Variants in WDR12 observed in about 807,000 individuals in gnomAD.
The protein encoded by WDR12 is WD repeat domain 12, also known as ribosome biogenesis protein WDR12.
A neutral mutation model predicts 64.3 loss-of-function variants in WDR12; 42 were observed. The ratio of observed to expected loss-of-function variants is 0.65; its 90% CI spans 0.51 to 0.84. The LOEUF is 0.84. Ranked by LOEUF, WDR12 falls within the 40% of genes least tolerant of loss-of-function variation. The pLI, the probability that WDR12 is intolerant of heterozygous loss-of-function variation, is 0.00. For missense variants in WDR12, 469 were observed against 494.6 expected, an observed-to-expected ratio of 0.95 and a Z score of 0.49; for synonymous variants, 158 against 173.3, an observed-to-expected ratio of 0.91 and a Z score of 0.70.
At chr2:202,903,572 T>G (rs1688394968) in intron 2 of WDR12, among the ~76,000 whole-genome samples, 1 of 152,138 alleles carries the variant, frequency 6.6e-6, no homozygotes, top group Non-Finnish European at 1.5e-5. Flanking sequence ...TTATCCTTGT[T>G]TGCAGATGAT....
intron 2 of WDR12, among the ~76,000 whole-genome samples, chr2:202,903,764 G>A (rs1574410627): frequency 1.3e-5 from 2 of 152,074 alleles, no homozygotes; most frequent in Admixed American, 6.6e-5. Context: ...TCTACTTACA[G>A]TAGCCACAAA....
intron 2 of WDR12, among the ~76,000 whole-genome samples, chr2:202,904,826 C>A (rs972832106): frequency 5.3e-5 from 8 of 152,074 alleles, no homozygotes; most frequent in African/African-American, 1.9e-4. Flanking sequence ...TAGACAAATG[C>A]GATCCCATCA....
At chr2:202,905,144 C>T (rs780523573) in intron 2 of WDR12, among the ~76,000 whole-genome samples, 15 of 152,132 alleles carry the variant, frequency 9.9e-5, no homozygotes, top group Non-Finnish European at 5.9e-5. Flanking sequence ...GATAAAATGG[C>T]GTTTTTCCCC....
intron 8 of WDR12, among the ~76,000 whole-genome samples, chr2:202,886,767 CAAAAAAAAAA>C (rs60735682): frequency 2.5e-5 from 2 of 79,060 alleles, no homozygotes; most frequent in Non-Finnish European, 2.3e-5. Flanking sequence ...AACTCCATCT[CAAAAAAAAAA>C]AAAAAAAAAA....
chr2:202,886,349 C>T (rs4675306), intron 8 of WDR12, among the ~76,000 whole-genome samples: 3,507 of 151,860 alleles, frequency 0.023, 159 homozygotes, highest in East Asian at 0.16. Flanking sequence ...TCTCAGCTAC[C>T]TGAGAGGCTT....
At chr2:202,905,380 T>C (rs1161720809) in intron 2 of WDR12, among the ~76,000 whole-genome samples, 2 of 152,374 alleles carry the variant, frequency 1.3e-5, no homozygotes, top group East Asian at 3.9e-4. Flanking sequence ...CTTGACTTCA[T>C]GATCCACCCA....
intron 8 of WDR12, among the ~76,000 whole-genome samples, 194 bp from the exon 9 acceptor site, chr2:202,884,729 G>A (rs1290969851): frequency 1.3e-5 from 2 of 152,196 alleles, no homozygotes; most frequent in Admixed American, 1.3e-4. Flanking sequence ...GGCTGATAAA[G>A]ATAACTTGCC....
At chr2:202,899,769 G>T (rs1688317598) in intron 3 of WDR12, 132 bp from the exon 4 acceptor site, 5 of 709,574 alleles carry the variant, frequency 7.0e-6, no homozygotes, top group Non-Finnish European at 1.1e-5. Context: ...CAGCAAATTT[G>T]GAGCCATTCA....
At chr2:202,892,750 G>A (rs757368349) in intron 7 of WDR12, 48 bp from the exon 8 acceptor site, 3 of 1,359,832 alleles carry the variant, frequency 2.2e-6, no homozygotes, top group Non-Finnish European at 1.0e-6. Context: ...AGTATTAATC[G>A]TGAACTGTCT....
chr2:202,890,719 C>T (rs956263916), intron 8 of WDR12, among the ~76,000 whole-genome samples: 3 of 151,120 alleles, frequency 2.0e-5, no homozygotes, highest in African/African-American at 2.4e-5. Context: ...TGCAGTGAGC[C>T]GAGATCACGC....
chr2:202,878,259 C>G lies in WDR12; in HGVS notation c.*2601G>C, dbSNP rs1687896282. ...TTTATCTTTAACCATCTAGTTTATA[C>G]AGACTACATTCGGTCAGCCTAGGTT... On this transcript the variant is annotated 3_prime_UTR_variant, in exon 13 of 13. Coordinates refer to ENST00000261015, the MANE Select transcript of WDR12 (RefSeq NM_018256.4). The G allele has an allele frequency of 6.6e-6, 1 of 152,166 alleles. No individual in the cohort carries two copies. Among genetic ancestry groups the G allele is most frequent in the African/African-American group, 2.4e-5 (1 of 41,432 alleles). The allele number at this position is 152,166 out of a possible 1,614,324, so 9.4% of individuals were successfully genotyped here.
At chr2:202,897,463 AC>A (rs1688268460) in intron 4 of WDR12, 48 bp from the exon 5 acceptor site, 1 of 1,065,998 alleles carries the variant, frequency 9.4e-7, no homozygotes, top group South Asian at 1.6e-5. Context: ...GTTTTTCCAA[AC>A]CCTGAAATGT....
intron 8 of WDR12, 71 bp downstream of exon 8, chr2:202,892,546 C>A: frequency 9.8e-7 from 1 of 1,016,230 alleles, no homozygotes; most frequent in Non-Finnish European, 1.5e-6. Flanking sequence ...ACAAAAAAGA[C>A]CATATTAAAT....
chr2:202,903,743 A>G (rs758142197), intron 2 of WDR12, among the ~76,000 whole-genome samples: 7 of 152,200 alleles, frequency 4.6e-5, no homozygotes, highest in Non-Finnish European at 7.3e-5. Context: ...AAAAGAAATC[A>G]AGAAAGTATT....
At chr2:202,903,616 C>T (rs7605232) in intron 2 of WDR12, among the ~76,000 whole-genome samples, 134,672 of 152,216 alleles carry the variant, frequency 0.88, 60,324 homozygotes, top group Non-Finnish European at 0.95. Context: ...AATGATATAA[C>T]GTTATATTTG....
At chr2:202,892,265 A>T (rs1327399569) in intron 8 of WDR12, among the ~76,000 whole-genome samples, 1 of 152,192 alleles carries the variant, frequency 6.6e-6, no homozygotes, top group Non-Finnish European at 1.5e-5. Flanking sequence ...TACTCAGTGC[A>T]TGAAACAGAT....
rs1411333175 is a variant in WDR12 at position 202,877,486 on chromosome 2, A to C, written c.*3374T>G. On this transcript the variant is annotated 3_prime_UTR_variant, in exon 13 of 13. Coordinates refer to ENST00000261015, the MANE Select transcript of WDR12 (RefSeq NM_018256.4). ...TACATGGCGAAACCCTCTCTCTACA[A>C]AAAAAGTAATAATAAAAATAAATTA... is the stretch of plus-strand genomic sequence containing the variant. The C allele has an allele frequency of 2.0e-5, 3 of 152,028 alleles. No homozygotes were observed. Among genetic ancestry groups the C allele is most frequent in the Non-Finnish European group, 4.4e-5 (3 of 68,016 alleles). 9.4% of individuals were successfully genotyped at this position (152,028 alleles called of 1,614,324 possible).
chr2:202,883,059 C>T (rs576863960), intron 11 of WDR12, among the ~76,000 whole-genome samples: 3 of 152,176 alleles, frequency 2.0e-5, no homozygotes, highest in Non-Finnish European at 4.4e-5. Context: ...ACTTCCTTGA[C>T]TACTTTAACC....
At chr2:202,896,726 C>T (rs148697400) in intron 5 of WDR12, among the ~76,000 whole-genome samples, 47 of 151,912 alleles carry the variant, frequency 3.1e-4, no homozygotes, top group African/African-American at 9.9e-4. Context: ...CAGTGGCTCA[C>T]GCCTGTAATC....
Sources: allele counts gnomAD v4.1 joint callset (sites outside exome capture counted in the v4.1 genomes callset), GRCh38; gene constraint gnomAD v4.1.1; transcripts MANE v1.5; gene names NCBI Gene and HGNC (gene_info 2026-07-23, HGNC 2026-07-21).